The following ZNF850 variants were observed in gnomAD, a reference collection of about 807,000 sequenced individuals.
The protein encoded by ZNF850 is zinc finger protein 850.
In ZNF850, 2 loss-of-function variants were observed where a neutral mutation model predicts 11.9. That is an observed-to-expected ratio of 0.17 (90% CI 0.07 to 0.53). The LOEUF is 0.53. ZNF850 is among the 20% of genes least tolerant of loss of function. ZNF850 has a pLI of 0.94. For missense variants in ZNF850, 1,014 were observed against 1,316.4 expected, an observed-to-expected ratio of 0.77 and a Z score of 3.55; for synonymous variants, 381 against 443.0, an observed-to-expected ratio of 0.86 and a Z score of 1.76.
Position 36,749,027 on chromosome 19 carries a change from T to G in ZNF850, c.2013A>C (p.Lys671Asn). The change falls in exon 5 of 5, where the codon AAA becomes AAC. Residue 671 changes from lysine to asparagine, a missense_variant. Lys to Asn is a moderately conservative substitution (Grantham distance 94). This residue lies in a region of ZNF850 where 835 missense variants were observed against 1,022.0 expected (regional missense o/e 0.82). Coordinates refer to ENST00000591344, the MANE Select transcript of ZNF850 (RefSeq NM_001193552.2). ...TQHHRIHTGE[K>N]PYECPDCGKA... ...TCCCACAGTCCGGACATTCATAGGG[T>G]TTCTCACCAGTGTGAATTCTGTGAT... The G allele has an allele frequency of 6.2e-7, 1 of 1,609,066 alleles. No individual in the cohort carries two copies. The highest frequency in any genetic ancestry group is 8.5e-7 in the Non-Finnish European group (1 of 1,178,466).
At position 36,750,392 on chromosome 19, in the gene ZNF850, C is replaced by G. The variant is rs918236743; in HGVS notation, c.648G>C (p.Gln216His). ...FHHFSYLVKHQRIHTGEKPCA... is the reference protein window; with the variant it reads ...FHHFSYLVKHHRIHTGEKPCA... The stretch of plus-strand genomic sequence containing the variant: ...AGGGCTTTTCCCCAGTATGAATTCT[C>G]TGATGTTTAACAAGATAGGAAAAGT... The change falls in exon 5 of 5, where the codon CAG becomes CAC. Residue 216 changes from glutamine to histidine, a missense_variant. Physicochemically the swap from Gln to His is conservative, Grantham distance 24 (BLOSUM62 0). Coordinates refer to ENST00000591344, the MANE Select transcript of ZNF850 (RefSeq NM_001193552.2). 1 of 1,536,584 alleles carries G rather than the reference C, an allele frequency of 6.5e-7. No homozygotes were observed. The highest frequency in any genetic ancestry group is 8.7e-7 in the Non-Finnish European group (1 of 1,146,944).
Position 36,748,065 on chromosome 19 carries a change from C to A in ZNF850, c.2975G>T (p.Cys992Phe), listed in dbSNP as rs1234918086. ...ECKECGKSFT[C>F]GSELIRHQRT... ...CTGATGTCGAATTAGTTCTGAGCCG[C>A]AAGTAAAAGATTTCCCACATTCTTT... The change falls in exon 5 of 5, where the codon TGC becomes TTC. Residue 992 changes from cysteine to phenylalanine, a missense_variant. Physicochemically the swap from Cys to Phe is radical, Grantham distance 205 (BLOSUM62 -2). This residue lies in a region of ZNF850 where 179 missense variants were observed against 294.4 expected (regional missense o/e 0.61). Coordinates refer to ENST00000591344, the MANE Select transcript of ZNF850 (RefSeq NM_001193552.2). The A allele has an allele frequency of 1.3e-6, 2 of 1,562,002 alleles. No homozygotes were observed. The highest frequency in any genetic ancestry group is 1.9e-5 in the Admixed American group (1 of 52,452).
intron 1 of ZNF850, among the ~76,000 whole-genome samples, chr19:36,770,662 C>T (rs1233899222): frequency 3.0e-5 from 4 of 131,816 alleles, no homozygotes; most frequent in Admixed American, 8.9e-5. Flanking sequence ...CTGGAGATTG[C>T]GCCACTGCAC....
Position 36,747,122 on chromosome 19 carries a change from G to A in ZNF850, c.*645C>T, listed in dbSNP as rs2040415735. On this transcript the variant is annotated 3_prime_UTR_variant, in exon 5 of 5. Coordinates refer to ENST00000591344, the MANE Select transcript of ZNF850 (RefSeq NM_001193552.2). ...GCCAAGATAGCACCACTGCACTCCA[G>A]CCTGGGCAACAGAGCAAGACTCTGT... The A allele has an allele frequency of 6.4e-6, 1 of 155,268 alleles. No individual in the cohort carries two copies. Among genetic ancestry groups the A allele is most frequent in the Admixed American group, 6.5e-5 (1 of 15,374 alleles). 9.6% of individuals were successfully genotyped at this position (155,268 alleles called of 1,614,324 possible).
Position 36,761,067 on chromosome 19 carries a change from C to T in ZNF850, c.235+576G>A, listed in dbSNP as rs547672189. The stretch of plus-strand genomic sequence containing the variant: ...GAAGACAGAGGAAACAGGATGGCTC[C>T]CGAAGAAGGGAACTTTATTCTTTGA... On this transcript the variant is annotated intron_variant, in intron 4 of 4. Transcript: ENST00000591344. 5.3e-5 allele frequency among the ~76,000 whole-genome samples: 8 copies of T among 152,050 alleles called. No homozygotes were observed. In the East Asian group the frequency reaches 1.4e-3, roughly 26 times the overall value.
intron 1 of ZNF850, among the ~76,000 whole-genome samples, chr19:36,765,051 T>C (rs905519935): frequency 6.6e-6 from 1 of 152,158 alleles, no homozygotes; most frequent in Non-Finnish European, 1.5e-5. Flanking sequence ...GTCAGAACCA[T>C]TGGAGCCACG....
chr19:36,770,702 T>TAAAAAAAAA (rs2040575696), intron 1 of ZNF850, among the ~76,000 whole-genome samples: 1 of 13,486 alleles, frequency 7.4e-5, no homozygotes, highest in Non-Finnish European at 1.6e-4. Context: ...AGAGACTCCA[T>TAAAAAAAAA]CAAAAAAAAA....
Position 36,772,780 on chromosome 19 carries a change from C to G in ZNF850, c.-125G>C, listed in dbSNP as rs1486585705. 6.6e-6 allele frequency: 1 copy of G among 152,352 alleles called. No individual in the cohort carries two copies. Among genetic ancestry groups the G allele is most frequent in the African/African-American group, 2.4e-5 (1 of 41,456 alleles). 9.4% of individuals were successfully genotyped at this position (152,352 alleles called of 1,614,324 possible). A position where few individuals can be genotyped will look rare whatever the true frequency, so the allele number is the denominator to read the frequency against. On this transcript the variant is annotated 5_prime_UTR_variant, in exon 1 of 5. Transcript: ENST00000591344. ...AGCCTAGCCAAGTTCCTCAGGACTC[C>G]AAGGCGCGGCGGCAGCTAAATCGGC...
At chr19:36,759,350 T>C (rs533456387) in intron 4 of ZNF850, among the ~76,000 whole-genome samples, 15 of 152,044 alleles carry the variant, frequency 9.9e-5, no homozygotes, top group Admixed American at 8.5e-4. Context: ...TGGTGTGTGC[T>C]TGTAGTCTGA....
At chr19:36,767,095 G>A (rs2040553441) in intron 1 of ZNF850, among the ~76,000 whole-genome samples, 2 of 152,124 alleles carry the variant, frequency 1.3e-5, no homozygotes, top group Non-Finnish European at 2.9e-5. Flanking sequence ...AAAGTAGCCA[G>A]GCGTGGTGGC....
chr19:36,756,228 A>G (rs2040485754), intron 4 of ZNF850, among the ~76,000 whole-genome samples: 1 of 152,114 alleles, frequency 6.6e-6, no homozygotes, highest in Non-Finnish European at 1.5e-5. Context: ...TAAGTGCCAT[A>G]TCACCTACTT....
intron 4 of ZNF850, among the ~76,000 whole-genome samples, chr19:36,754,006 T>TA (rs1034881584): frequency 6.6e-6 from 1 of 151,514 alleles, no homozygotes; most frequent in East Asian, 1.9e-4. Context: ...ATAAGCTGGT[T>TA]AAAAAAATTC....
chr19:36,750,830 C>A, intron 4 of ZNF850, 26 bp from the exon 5 acceptor site: 1 of 1,472,130 alleles, frequency 6.8e-7, no homozygotes, highest in Non-Finnish European at 8.9e-7. Context: ...AAAGCAAAAA[C>A]ATAGCATTTC....
chr19:36,752,998 G>A (rs770977199), intron 4 of ZNF850, among the ~76,000 whole-genome samples: 21 of 152,140 alleles, frequency 1.4e-4, no homozygotes, highest in Middle Eastern at 3.4e-3. Context: ...GGCCAGGTGC[G>A]GTGGCACACG....
rs555243694 is a variant in ZNF850 at position 36,768,943 on chromosome 19, C to CA, written c.-70+3781dup. ...TGCCACTGCACTCCAGTCTGGGTAA[C>CA]AGAGTGAGACCCTGTCTTTAAAAAA... On this transcript the variant is annotated intron_variant, in intron 1 of 4. Coordinates refer to ENST00000591344, the MANE Select transcript of ZNF850 (RefSeq NM_001193552.2). 3.0e-4 allele frequency among the ~76,000 whole-genome samples: 39 copies of CA among 129,794 alleles called. No homozygotes were observed. In the East Asian group the frequency reaches 9.5e-3, roughly 32 times the overall value. The allele number at this position is 129,794 out of a possible 152,430, so 85.1% of individuals were successfully genotyped here.
chr19:36,764,777 A>G (rs1337711630), intron 1 of ZNF850, among the ~76,000 whole-genome samples: 9 of 141,542 alleles, frequency 6.4e-5, no homozygotes, highest in Non-Finnish European at 7.5e-5. Flanking sequence ...CCCAGGCTGA[A>G]GTGCCTGATC....
intron 1 of ZNF850, among the ~76,000 whole-genome samples, chr19:36,771,269 G>T (rs972899): frequency 1 from 151,570 of 151,908 alleles, 75,625 homozygotes; most frequent in Middle Eastern, 1. Context: ...ATCTGGGGGG[G>T]TTTATTAACT....
chr19:36,756,453 TTC>T, intron 4 of ZNF850, among the ~76,000 whole-genome samples: 1 of 152,224 alleles, frequency 6.6e-6, no homozygotes, highest in Non-Finnish European at 1.5e-5. Context: ...GTGCATTTTT[TTC>T]TTTTTATAAA....
chr19:36,753,609 C>T lies in ZNF850; in HGVS notation c.236-2805G>A, dbSNP rs1302008979. On this transcript the variant is annotated intron_variant, in intron 4 of 4. Coordinates refer to ENST00000591344, the MANE Select transcript of ZNF850 (RefSeq NM_001193552.2). ...ACCTGTCTCTTAAAAAAAAATTATG[C>T]ATGATGAAATCCCAATAATAAGAAC... Among the ~76,000 whole-genome samples the T allele has an allele frequency of 2.0e-5, 3 of 150,464 alleles. No homozygotes were observed. The East Asian group carries it at 5.9e-4, about 29-fold the overall frequency.
Sources: gnomAD v4.1 joint callset for allele counts (sites outside exome capture counted in the v4.1 genomes callset) on GRCh38, gnomAD v4.1.1 for gene constraint, gnomAD v4.1.1 regional missense constraint, MANE v1.5 for transcripts, NCBI Gene and HGNC (gene_info 2026-07-23, HGNC 2026-07-21) for gene names.